MMP26: variants seen among roughly 807,000 people sequenced by gnomAD.
MMP26 encodes matrix metallopeptidase 26, also known as matrix metalloproteinase-26.
A neutral mutation model predicts 31.0 loss-of-function variants in MMP26; 33 were observed. The ratio of observed to expected loss-of-function variants is 1.06; its 90% CI spans 0.81 to 1.42. The LOEUF is 1.42. Ranked by LOEUF, MMP26 falls within the 40% of genes most tolerant of loss-of-function variation. MMP26 has a pLI of 0.00. For synonymous variants in MMP26, 122 were observed against 114.9 expected (o/e 1.06, Z -0.40); for missense variants, 347 against 316.1 (o/e 1.10, Z -0.74).
intron 2 of MMP26, among the ~76,000 whole-genome samples, chr11:4,851,552 A>C (rs1376442435): frequency 1.3e-5 from 2 of 152,156 alleles, no homozygotes; most frequent in African/African-American, 4.8e-5. Flanking sequence ...ATTTTCCCTA[A>C]ATTTCCTTAA....
intron 2 of MMP26, among the ~76,000 whole-genome samples, chr11:4,813,121 C>T (rs1373110892): frequency 6.7e-6 from 1 of 150,280 alleles, no homozygotes; most frequent in Middle Eastern, 3.2e-3. Flanking sequence ...TCTCCTGCCT[C>T]AGCCTCCCAA....
At chr11:4,906,764 A>G (rs956948249) in intron 2 of MMP26, among the ~76,000 whole-genome samples, 1 of 152,164 alleles carries the variant, frequency 6.6e-6, no homozygotes, top group African/African-American at 2.4e-5. Context: ...AAGCAGCTCC[A>G]TTTTGATATG....
At chr11:4,863,170 C>A (rs572464388) in intron 2 of MMP26, among the ~76,000 whole-genome samples, 1 of 152,238 alleles carries the variant, frequency 6.6e-6, no homozygotes, top group Admixed American at 6.5e-5. Flanking sequence ...TTTACCCCTG[C>A]TGTTTTACTG....
At chr11:4,986,931 C>CTCTCT (rs1491217860) in intron 2 of MMP26, among the ~76,000 whole-genome samples, 1 of 88,786 alleles carries the variant, frequency 1.1e-5, no homozygotes, top group Non-Finnish European at 2.3e-5. Context: ...CTCTCTCTCT[C>CTCTCT]CCTCTCTCTC....
chr11:4,880,822 TGAATTGTG>T (rs1399424570), intron 2 of MMP26, among the ~76,000 whole-genome samples: 1 of 152,144 alleles, frequency 6.6e-6, no homozygotes, highest in African/African-American at 2.4e-5. Context: ...GGGTATATTC[TGAATTGTG>T]GAGGAAATAT....
chr11:4,822,118 T>C (rs540214556), intron 2 of MMP26: 2 of 1,612,866 alleles, frequency 1.2e-6, no homozygotes, highest in South Asian at 2.2e-5. Flanking sequence ...CATTGCTTCC[T>C]CAGAAGAGAG....
intron 2 of MMP26, among the ~76,000 whole-genome samples, chr11:4,938,520 C>T (rs1445306713): frequency 6.6e-6 from 1 of 151,756 alleles, no homozygotes; most frequent in Admixed American, 6.6e-5. Flanking sequence ...ATATGAGTTG[C>T]TTCCTCACCC....
intron 2 of MMP26, among the ~76,000 whole-genome samples, chr11:4,806,630 TG>T (rs1483382675): frequency 6.6e-6 from 1 of 152,164 alleles, no homozygotes; most frequent in Non-Finnish European, 1.5e-5. Flanking sequence ...GCACGTGAGA[TG>T]GGTCTCCTGA....
chr11:4,848,981 C>T, intron 2 of MMP26: 3 of 1,614,134 alleles, frequency 1.9e-6, no homozygotes, highest in Non-Finnish European at 2.5e-6. Flanking sequence ...CAATATCAGA[C>T]ACACTAAGCA....
At chr11:4,946,875 A>G in intron 2 of MMP26, 1 of 1,605,984 alleles carries the variant, frequency 6.2e-7, no homozygotes, top group Non-Finnish European at 8.5e-7. Flanking sequence ...GATGATAAAG[A>G]CAAACCCAAG....
At chr11:4,931,868 C>T (rs1470634925) in intron 2 of MMP26, among the ~76,000 whole-genome samples, 1 of 151,978 alleles carries the variant, frequency 6.6e-6, no homozygotes, top group South Asian at 2.1e-4. Flanking sequence ...AGGAATAATT[C>T]TCATTTTACT....
In MMP26 at chr11:4,992,401, G is replaced by C; in HGVS notation, c.*159G>C. 1.5e-6 allele frequency: 1 copy of C among 648,606 alleles called. No homozygotes were observed. Among genetic ancestry groups the C allele is most frequent in the Non-Finnish European group, 2.7e-6 (1 of 368,604 alleles). The allele number at this position is 648,606 out of a possible 1,614,324, so 40.2% of individuals were successfully genotyped here. A position where few individuals can be genotyped will look rare whatever the true frequency, so the allele number is the denominator to read the frequency against. On this transcript the variant is annotated 3_prime_UTR_variant, in exon 8 of 8. Coordinates refer to ENST00000380390, the MANE Select transcript of MMP26 (RefSeq NM_021801.5). ...GAACCGACACTCAAAACGCTACTGA[G>C]TCACAATAAAGATTGTTTTAAAGAG...
chr11:4,769,633 A>G, intron 2 of MMP26: 1 of 1,597,992 alleles, frequency 6.3e-7, no homozygotes, highest in Non-Finnish European at 8.5e-7. Context: ...AGCTATATAG[A>G]CTGATTTCAC....
At chr11:4,903,698 T>C (rs983368574) in intron 2 of MMP26, 1 of 152,088 alleles carries the variant, frequency 6.6e-6, no homozygotes, top group African/African-American at 2.4e-5. Context: ...AAGGGTCTAG[T>C]CACCTGAGGA....
chr11:4,928,624 T>G (rs1006887742), intron 2 of MMP26, among the ~76,000 whole-genome samples: 2 of 152,130 alleles, frequency 1.3e-5, no homozygotes, highest in African/African-American at 4.8e-5. Flanking sequence ...TCCCAACCAG[T>G]TTTAGATCTG....
intron 2 of MMP26, among the ~76,000 whole-genome samples, chr11:4,864,710 C>T (rs1432267358): frequency 6.6e-6 from 1 of 152,006 alleles, no homozygotes; most frequent in Admixed American, 6.6e-5. Flanking sequence ...ACACAAAATG[C>T]TTGATGCAAC....
intron 2 of MMP26, among the ~76,000 whole-genome samples, chr11:4,808,559 G>A (rs531784783): frequency 6.6e-6 from 1 of 152,068 alleles, no homozygotes; most frequent in East Asian, 1.9e-4. Context: ...ACCCTCCTTA[G>A]GAAGTGATGA....
chr11:4,765,312 A>T (rs1313320399), intron 1 of MMP26, among the ~76,000 whole-genome samples: 1 of 152,116 alleles, frequency 6.6e-6, no homozygotes, highest in Non-Finnish European at 1.5e-5. Flanking sequence ...CATTGACTAA[A>T]TCTGTTCAGA....
At chr11:4,859,931 C>T (rs994641712) in intron 2 of MMP26, 2 of 470,914 alleles carry the variant, frequency 4.2e-6, no homozygotes, top group African/African-American at 2.0e-5. Context: ...AGGAGAACAT[C>T]GAGCCCCAGT....
Sources: gnomAD v4.1 joint callset for allele counts (sites outside exome capture counted in the v4.1 genomes callset) on GRCh38, gnomAD v4.1.1 for gene constraint, MANE v1.5 for transcripts, NCBI Gene and HGNC (gene_info 2026-07-23, HGNC 2026-07-21) for gene names.